Variants in ZSWIM6 observed in about 807,000 individuals in gnomAD.
ZSWIM6 encodes the protein zinc finger SWIM domain-containing protein 6.
ZSWIM6 carries 9 observed loss-of-function variants against 113.2 expected under a neutral mutation model. That is an observed-to-expected ratio of 0.08 (90% CI 0.05 to 0.14). The LOEUF is 0.14. Ranked by LOEUF, ZSWIM6 falls within the 10% of genes least tolerant of loss-of-function variation. The probability of loss-of-function intolerance (pLI) is 1.00; values close to 1 mark genes in which losing one functional copy is unlikely to be tolerated. For synonymous variants in ZSWIM6, 611 were observed against 606.5 expected, an observed-to-expected ratio of 1.01 and a Z score of -0.11; for missense variants, 1,162 against 1,552.2, an observed-to-expected ratio of 0.75 and a Z score of 4.22.
intron 4 of ZSWIM6, among the ~76,000 whole-genome samples, chr5:61,500,856 C>G (rs529012724): frequency 6.6e-6 from 1 of 152,246 alleles, no homozygotes; most frequent in Admixed American, 6.5e-5. Flanking sequence ...ACCCTTAGCT[C>G]ATTGTCTTTG....
At chr5:61,351,550 A>C (rs1188755199) in intron 1 of ZSWIM6, among the ~76,000 whole-genome samples, 4 of 152,272 alleles carry the variant, frequency 2.6e-5, no homozygotes, top group Non-Finnish European at 5.9e-5. Flanking sequence ...TAAATTATTC[A>C]GAAAAATAAT....
chr5:61,428,389 G>A lies in ZSWIM6; in HGVS notation c.677-44292G>A, dbSNP rs74956548. 7.1e-3 allele frequency among the ~76,000 whole-genome samples: 1,083 copies of A among 152,088 alleles called. 12 individuals are homozygous for A. The highest frequency in any genetic ancestry group is 0.025 in the African/African-American group (1,025 of 41,486). Reference sequence around the variant, plus strand: ...TAGGCTGTTTTATTTTAGAGATGGGGTCCCACTCTGTCACCCACGCTGGAG... The same window carrying A: ...TAGGCTGTTTTATTTTAGAGATGGGATCCCACTCTGTCACCCACGCTGGAG... On this transcript the variant is annotated intron_variant, in intron 1 of 13. Coordinates refer to ENST00000252744, the MANE Select transcript of ZSWIM6 (RefSeq NM_020928.2).
chr5:61,372,126 A>G (rs367722019), intron 1 of ZSWIM6, among the ~76,000 whole-genome samples: 11 of 151,302 alleles, frequency 7.3e-5, no homozygotes, highest in African/African-American at 2.2e-4. Flanking sequence ...TTTGTTTCCT[A>G]TATTAATTTT....
At chr5:61,437,467 A>G (rs1746733734) in intron 1 of ZSWIM6, among the ~76,000 whole-genome samples, 2 of 152,150 alleles carry the variant, frequency 1.3e-5, no homozygotes, top group Admixed American at 1.3e-4. Context: ...TCACGCCTGT[A>G]GTCCTAGCAC....
intron 4 of ZSWIM6, among the ~76,000 whole-genome samples, chr5:61,513,931 GCTATTCATT>G (rs1404177488): frequency 1.3e-5 from 2 of 151,780 alleles, no homozygotes; most frequent in East Asian, 3.9e-4. Context: ...AATTGTTTTG[GCTATTCATT>G]CTATTGCATT....
At chr5:61,491,765 AT>A (rs538754191) in intron 3 of ZSWIM6, among the ~76,000 whole-genome samples, 1 of 152,060 alleles carries the variant, frequency 6.6e-6, no homozygotes, top group South Asian at 2.1e-4. Context: ...ATAGCTGTTC[AT>A]TGATGCTTTT....
At chr5:61,383,967 C>T (rs980938057) in intron 1 of ZSWIM6, among the ~76,000 whole-genome samples, 14 of 151,406 alleles carry the variant, frequency 9.2e-5, no homozygotes, top group African/African-American at 2.4e-5. Context: ...AGTGGCCGGG[C>T]GCGGTGGCTC....
intron 3 of ZSWIM6, among the ~76,000 whole-genome samples, chr5:61,493,787 G>A (rs1748247412): frequency 1.3e-5 from 2 of 152,142 alleles, no homozygotes; most frequent in Non-Finnish European, 2.9e-5. Flanking sequence ...GTTTGTCAAA[G>A]CATGAATGCC....
Position 61,530,120 on chromosome 5 carries a change from G to A in ZSWIM6, c.1906G>A (p.Val636Met), listed in dbSNP as rs140760439. Residue 636 changes from valine to methionine, a missense_variant, in exon 8 of 14, where the codon GTG becomes ATG. Transcript: ENST00000252744. Reference protein sequence around the residue: ...EGWVGHPLDPVGTLFSSLMEA... With the variant: ...EGWVGHPLDPMGTLFSSLMEA... ...CTGGGTTGGACATCCCCTGGACCCT[G>A]TGGGCACTCTCTTCAGTAGCCTTAT... 5.0e-3 allele frequency: 7,682 copies of A among 1,551,740 alleles called. 40 individuals are homozygous for A. The highest frequency in any genetic ancestry group is 8.3e-3 in the Middle Eastern group (50 of 5,994).
chr5:61,402,048 A>G (rs1745949770), intron 1 of ZSWIM6, among the ~76,000 whole-genome samples: 1 of 152,224 alleles, frequency 6.6e-6, no homozygotes, highest in South Asian at 2.1e-4. Flanking sequence ...AGACTGAAAA[A>G]AAAATATTCT....
At position 61,422,027 on chromosome 5, in the gene ZSWIM6, G is replaced by A. The variant is rs189415243; in HGVS notation, c.677-50654G>A. Among the ~76,000 whole-genome samples, 3 of 152,244 alleles carry A rather than the reference G, an allele frequency of 2.0e-5. No homozygotes were observed. The East Asian group carries it at 5.8e-4, about 29-fold the overall frequency. ...CTGCGAGTTGTCTCTTCAGTTTGTT[G>A]ATCGTTTCCTTTGCTGTGCAGCAGC... On this transcript the variant is annotated intron_variant, in intron 1 of 13. Transcript: ENST00000252744.
chr5:61,523,745 A>G (rs936576872), intron 5 of ZSWIM6, among the ~76,000 whole-genome samples: 1 of 152,180 alleles, frequency 6.6e-6, no homozygotes, highest in African/African-American at 2.4e-5. Context: ...ACTTAATTTT[A>G]TGTGTTTCCC....
intron 4 of ZSWIM6, among the ~76,000 whole-genome samples, chr5:61,513,903 A>T (rs1044956206): frequency 6.6e-6 from 1 of 152,050 alleles, no homozygotes; most frequent in South Asian, 2.1e-4. Context: ...TCCTTCTTAC[A>T]ACTTTGCCCT....
At chr5:61,529,330 C>T (rs979851901) in intron 7 of ZSWIM6, among the ~76,000 whole-genome samples, 16 of 152,192 alleles carry the variant, frequency 1.1e-4, no homozygotes, top group Admixed American at 2.0e-4. Context: ...CAGCATTCTG[C>T]GGTTTAACTT....
At chr5:61,508,335 G>C (rs2112241218) in intron 4 of ZSWIM6, among the ~76,000 whole-genome samples, 1 of 152,242 alleles carries the variant, frequency 6.6e-6, no homozygotes, top group Admixed American at 6.5e-5. Context: ...ATATTGTTAG[G>C]ATTTTCTTTG....
intron 1 of ZSWIM6, among the ~76,000 whole-genome samples, chr5:61,412,132 C>T (rs1213258168): frequency 1.3e-5 from 2 of 152,140 alleles, no homozygotes; most frequent in Admixed American, 6.5e-5. Flanking sequence ...GGACAAAGCA[C>T]GTGATACCTT....
intron 1 of ZSWIM6, among the ~76,000 whole-genome samples, chr5:61,398,798 A>T (rs182700759): frequency 6.6e-6 from 1 of 152,018 alleles, no homozygotes; most frequent in East Asian, 1.9e-4. Context: ...AAGCAAACTG[A>T]ATTTGTGTAC....
At chr5:61,348,585 A>G (rs1744718963) in intron 1 of ZSWIM6, among the ~76,000 whole-genome samples, 1 of 152,188 alleles carries the variant, frequency 6.6e-6, no homozygotes, top group South Asian at 2.1e-4. Flanking sequence ...GCTTTACCAC[A>G]TTTAAACTGC....
At chr5:61,367,896 C>T (rs112913209) in intron 1 of ZSWIM6, among the ~76,000 whole-genome samples, 185 of 152,082 alleles carry the variant, frequency 1.2e-3, no homozygotes, top group African/African-American at 4.0e-3. Flanking sequence ...CAAGATGAGA[C>T]GTATAACTTG....
Sources: allele counts gnomAD v4.1 joint callset (sites outside exome capture counted in the v4.1 genomes callset), GRCh38; gene constraint gnomAD v4.1.1; transcripts MANE v1.5; gene names NCBI Gene and HGNC (gene_info 2026-07-23, HGNC 2026-07-21).